Variants in SDK1 observed in about 807,000 individuals in gnomAD.
The protein encoded by SDK1 is protein sidekick-1.
Under a neutral mutation model 245.5 loss-of-function variants are expected in SDK1, and 157 were observed. That is an observed-to-expected ratio of 0.64 (90% CI 0.56 to 0.73). The LOEUF (loss-of-function observed/expected upper bound fraction) is 0.73, where lower values mean the gene tolerates loss of function less well. Among genes scored for constraint, SDK1 ranks in the 30% least tolerant of loss-of-function variants. SDK1 has a pLI of 0.00. For synonymous variants in SDK1, 1,647 were observed against 1,278.5 expected, an observed-to-expected ratio of 1.29 and a Z score of -6.15; for missense variants, 3,583 against 3,002.3, an observed-to-expected ratio of 1.19 and a Z score of -4.52.
chr7:3,538,288 T>C (rs944472875), intron 1 of SDK1, among the ~76,000 whole-genome samples: 1 of 152,208 alleles, frequency 6.6e-6, no homozygotes, highest in African/African-American at 2.4e-5. Context: ...GTTTTCCAGC[T>C]GTCCGCATTT....
chr7:4,082,986 A>G (rs1314771693), intron 22 of SDK1, among the ~76,000 whole-genome samples: 2 of 151,988 alleles, frequency 1.3e-5, no homozygotes, highest in Non-Finnish European at 2.9e-5. Flanking sequence ...TTTCCAAAAC[A>G]TCTCTTTACG....
intron 30 of SDK1, among the ~76,000 whole-genome samples, chr7:4,158,166 G>A (rs1237226892): frequency 6.6e-6 from 1 of 152,182 alleles, no homozygotes; most frequent in Non-Finnish European, 1.5e-5. Flanking sequence ...TGCCCTCTGT[G>A]CAGCTCCTTT....
chr7:3,785,150 A>G (rs188350251), intron 4 of SDK1, among the ~76,000 whole-genome samples: 2 of 152,306 alleles, frequency 1.3e-5, no homozygotes, highest in Non-Finnish European at 2.9e-5. Flanking sequence ...AATCTGAAAC[A>G]ATAACTCATA....
At chr7:3,486,131 G>A (rs1304640471) in intron 1 of SDK1, among the ~76,000 whole-genome samples, 1 of 151,522 alleles carries the variant, frequency 6.6e-6, no homozygotes, top group African/African-American at 2.4e-5. Context: ...TTTCTTCTAT[G>A]GTTATTTGGT....
intron 28 of SDK1, among the ~76,000 whole-genome samples, chr7:4,143,548 A>C (rs1020840264): frequency 2.0e-5 from 3 of 152,130 alleles, no homozygotes; most frequent in Non-Finnish European, 4.4e-5. Context: ...CCACGGTCAC[A>C]CAGTGAATGA....
chr7:4,205,465 C>G (rs1784163432), intron 35 of SDK1, among the ~76,000 whole-genome samples: 2 of 152,322 alleles, frequency 1.3e-5, no homozygotes, highest in Non-Finnish European at 1.5e-5. Context: ...ATGCTTTGAT[C>G]TCACAGCAAC....
intron 1 of SDK1, among the ~76,000 whole-genome samples, chr7:3,601,443 T>G (rs1781252154): frequency 6.6e-6 from 1 of 152,064 alleles, no homozygotes; most frequent in African/African-American, 2.4e-5. Flanking sequence ...TTGGCTGAAT[T>G]TTAGTAGTTT....
chr7:3,608,115 A>C lies in SDK1; in HGVS notation c.299-10965A>C, dbSNP rs1422160091. Among the ~76,000 whole-genome samples the C allele has an allele frequency of 2.0e-5, 3 of 152,362 alleles. 1 individual carries two copies. Among genetic ancestry groups the C allele is most frequent in the African/African-American group, 7.2e-5 (3 of 41,586 alleles). On this transcript the variant is annotated intron_variant, in intron 1 of 44. Transcript: ENST00000404826. ...AACTACACCAGCTGGTGTGTTACTC[A>C]TCCGTGCCACACACCTATGAGTAAA...
intron 1 of SDK1, among the ~76,000 whole-genome samples, chr7:3,344,873 C>T (rs775839126): frequency 4.3e-4 from 66 of 152,298 alleles, no homozygotes; most frequent in Non-Finnish European, 8.7e-4. Context: ...GACATGATTA[C>T]TGCCAGTCTT....
chr7:3,621,100 C>T (rs912300514), intron 2 of SDK1, among the ~76,000 whole-genome samples: 6 of 152,132 alleles, frequency 3.9e-5, no homozygotes, highest in Non-Finnish European at 5.9e-5. Context: ...GATCCCTCCT[C>T]ATTTGCAGTG....
chr7:3,568,370 C>T (rs1406627593), intron 1 of SDK1, among the ~76,000 whole-genome samples: 1 of 152,084 alleles, frequency 6.6e-6, no homozygotes, highest in African/African-American at 2.4e-5. Context: ...GCTCTTTTTC[C>T]CTCTATTACC....
At position 3,708,149 on chromosome 7, in the gene SDK1, G is replaced by C. The variant is rs550166027; in HGVS notation, c.713+66044G>C. ...CACATCTTACATGACAGGAACAGGA[G>C]CAAGAGAGAATGAGAGGGGAGATGC... On this transcript the variant is annotated intron_variant, in intron 4 of 44. Transcript: ENST00000404826. 2.6e-5 allele frequency among the ~76,000 whole-genome samples: 4 copies of C among 152,274 alleles called. No individual in the cohort carries two copies. The South Asian group carries it at 8.3e-4, about 32-fold the overall frequency.
At chr7:3,315,873 G>A (rs1454994782) in intron 1 of SDK1, among the ~76,000 whole-genome samples, 2 of 152,028 alleles carry the variant, frequency 1.3e-5, no homozygotes, top group East Asian at 3.9e-4. Flanking sequence ...ATTGTTTTGG[G>A]CCTTATTTTG....
Position 3,757,166 on chromosome 7 carries a change from C to G in SDK1, c.714-64284C>G, listed in dbSNP as rs28753192. On this transcript the variant is annotated intron_variant, in intron 4 of 44. Coordinates refer to ENST00000404826, the MANE Select transcript of SDK1 (RefSeq NM_152744.4). ...CTCAAAACTACCCCCACTTCAGATC[C>G]CAGGTGTCCTCATATACATCTGACA... 5.6e-3 allele frequency among the ~76,000 whole-genome samples: 846 copies of G among 152,220 alleles called. 10 individuals carry two copies. The highest frequency in any genetic ancestry group is 0.02 in the African/African-American group (813 of 41,526).
At chr7:3,779,268 G>A (rs1015091423) in intron 4 of SDK1, among the ~76,000 whole-genome samples, 12 of 152,228 alleles carry the variant, frequency 7.9e-5, no homozygotes, top group Admixed American at 4.6e-4. Flanking sequence ...AAGCAATTAC[G>A]TTAGGGCTAG....
chr7:3,987,226 A>C lies in SDK1; in HGVS notation c.2035A>C (p.Asn679His). 1 of 1,614,062 alleles carries C rather than the reference A, an allele frequency of 6.2e-7. No homozygotes were observed. The highest frequency in any genetic ancestry group is 1.1e-5 in the South Asian group (1 of 91,072). The change falls in exon 14 of 45, where the codon AAT becomes CAT. Residue 679 changes from asparagine to histidine, a missense_variant. By Grantham distance (68) the Asn-to-His change is moderately conservative. Transcript: ENST00000404826. Reference protein sequence around the residue: ...HSPQNLLVSPNSSHSHAVVLS... With the variant: ...HSPQNLLVSPHSSHSHAVVLS... Reference sequence around the variant, plus strand: ...ACCTCAGAACCTCCTGGTCAGCCCTAATTCTTCCCACAGCCACGCCGTGGT... The same window carrying C: ...ACCTCAGAACCTCCTGGTCAGCCCTCATTCTTCCCACAGCCACGCCGTGGT...
intron 1 of SDK1, among the ~76,000 whole-genome samples, chr7:3,321,814 T>TTCTCCC (rs1779819055): frequency 3.1e-5 from 4 of 129,642 alleles, no homozygotes; most frequent in African/African-American, 1.2e-4. Flanking sequence ...CCTTCCTTCC[T>TTCTCCC]TCCTTCCTTC....
intron 3 of SDK1, among the ~76,000 whole-genome samples, 188 bp from the exon 4 acceptor site, chr7:3,641,770 G>A (rs1342435066): frequency 1.3e-5 from 2 of 152,196 alleles, no homozygotes; most frequent in Non-Finnish European, 2.9e-5. Context: ...GAGGCGCGTG[G>A]CTTGCCCGGT....
At chr7:3,815,959 C>T (rs1263756285) in intron 4 of SDK1, among the ~76,000 whole-genome samples, 2 of 143,420 alleles carry the variant, frequency 1.4e-5, no homozygotes, top group African/African-American at 5.6e-5. Context: ...AGCCGCTCAA[C>T]TACATGGAAA....
Sources: gnomAD v4.1 joint callset for allele counts (sites outside exome capture counted in the v4.1 genomes callset) on GRCh38, gnomAD v4.1.1 for gene constraint, MANE v1.5 for transcripts, NCBI Gene and HGNC (gene_info 2026-07-23, HGNC 2026-07-21) for gene names.